MPPED2: variants seen among roughly 807,000 people sequenced by gnomAD.
MPPED2 encodes metallophosphoesterase domain containing 2.
Under a neutral mutation model 33.0 loss-of-function variants are expected in MPPED2, and 5 were observed. The ratio of observed to expected loss-of-function variants is 0.15; its 90% CI spans 0.08 to 0.32. MPPED2 has a LOEUF of 0.32. Among genes scored for constraint, MPPED2 ranks in the 10% least tolerant of loss-of-function variants. The pLI, the probability that MPPED2 is intolerant of heterozygous loss-of-function variation, is 1.00. For synonymous variants in MPPED2, 136 were observed against 141.9 expected (o/e 0.96, Z 0.29); for missense variants, 275 against 372.1 (o/e 0.74, Z 2.15).
chr11:30,483,658 A>G (rs1396797673), intron 4 of MPPED2, among the ~76,000 whole-genome samples: 3 of 152,216 alleles, frequency 2.0e-5, no homozygotes, highest in African/African-American at 7.2e-5. Flanking sequence ...AAGAGGCCTG[A>G]ATTATGGCTA....
chr11:30,501,468 T>C (rs1952557664), intron 3 of MPPED2: 1 of 185,740 alleles, frequency 5.4e-6, no homozygotes. Flanking sequence ...TCTGTTGAGA[T>C]AATCCTAACC....
chr11:30,445,213 G>A (rs568913702), intron 4 of MPPED2, among the ~76,000 whole-genome samples: 2 of 152,278 alleles, frequency 1.3e-5, no homozygotes, highest in South Asian at 4.1e-4. Flanking sequence ...GCTGAGGAAG[G>A]GCTCTGGGTA....
intron 2 of MPPED2, among the ~76,000 whole-genome samples, chr11:30,552,250 C>G (rs1354041731): frequency 6.6e-6 from 1 of 152,162 alleles, no homozygotes; most frequent in Non-Finnish European, 1.5e-5. Flanking sequence ...GAGCCATCTG[C>G]GAAGCCAGAA....
intron 2 of MPPED2, among the ~76,000 whole-genome samples, chr11:30,550,809 A>G (rs1955673143): frequency 6.6e-6 from 1 of 152,198 alleles, no homozygotes. Context: ...GGTAGCAGTA[A>G]TGCTGGGTTT....
At chr11:30,498,921 G>A (rs867314129) in intron 3 of MPPED2, among the ~76,000 whole-genome samples, 9 of 152,322 alleles carry the variant, frequency 5.9e-5, no homozygotes, top group Non-Finnish European at 8.8e-5. Flanking sequence ...GCTACAGAAT[G>A]TAAGTGAGAC....
chr11:30,473,481 T>C (rs1313014297), intron 4 of MPPED2, among the ~76,000 whole-genome samples: 1 of 152,150 alleles, frequency 6.6e-6, no homozygotes, highest in East Asian at 1.9e-4. Flanking sequence ...TAGCAAAGTA[T>C]TTCCTCTGTT....
intron 4 of MPPED2, among the ~76,000 whole-genome samples, chr11:30,459,101 A>G (rs1257271954): frequency 1.3e-5 from 2 of 150,376 alleles, no homozygotes; most frequent in Non-Finnish European, 1.5e-5. Flanking sequence ...AATTTTTTGT[A>G]TTTTTAGTAG....
chr11:30,499,752 A>T (rs1952468905), intron 3 of MPPED2, among the ~76,000 whole-genome samples: 1 of 152,110 alleles, frequency 6.6e-6, no homozygotes. Context: ...TCACTTCTAA[A>T]CTTCTTAAAA....
chr11:30,446,855 A>ATGT (rs1949833997), intron 4 of MPPED2, among the ~76,000 whole-genome samples: 1 of 152,182 alleles, frequency 6.6e-6, no homozygotes, highest in African/African-American at 2.4e-5. Flanking sequence ...TGTCCAAGTT[A>ATGT]CCGATTTCTC....
chr11:30,495,460 C>T lies in MPPED2; in HGVS notation c.372G>A (p.Lys124=), dbSNP rs1952208262. 1 of 1,614,136 alleles carries T rather than the reference C, an allele frequency of 6.2e-7. No homozygotes were observed. The highest frequency in any genetic ancestry group is 8.5e-7 in the Non-Finnish European group (1 of 1,179,990). The change falls in exon 4 of 7, where the codon AAG becomes AAA. Residue 124 remains lysine, a synonymous_variant. Transcript: ENST00000358117. Reference sequence around the variant, plus strand: ...GTTTAACAAGGTCTGCCATGAATTCCTTATCAAATGTCAGTTCATGATTCC... The same window carrying T: ...GTTTAACAAGGTCTGCCATGAATTCTTTATCAAATGTCAGTTCATGATTCC... ...IAGNHELTFD[K]EFMADLVKQD...
intron 2 of MPPED2, among the ~76,000 whole-genome samples, chr11:30,564,001 A>G (rs1464393754): frequency 6.6e-6 from 1 of 152,230 alleles, no homozygotes; most frequent in African/African-American, 2.4e-5. Context: ...TTCTGGGAAC[A>G]GGCCTTGAGA....
downstream of MPPED2, chr11:30,410,152 A>C (rs1410783343): frequency 3.0e-6 from 3 of 985,266 alleles, no homozygotes; most frequent in Admixed American, 1.2e-4. Flanking sequence ...CTGATGTTGC[A>C]TATGAATAAA....
intron 4 of MPPED2, among the ~76,000 whole-genome samples, chr11:30,451,188 C>T (rs888036819): frequency 1.8e-4 from 28 of 152,220 alleles, no homozygotes; most frequent in African/African-American, 6.8e-4. Context: ...ACTACATGAT[C>T]TATAAGCTGT....
intron 4 of MPPED2, among the ~76,000 whole-genome samples, chr11:30,467,080 G>T (rs1950740751): frequency 6.6e-6 from 1 of 152,112 alleles, no homozygotes; most frequent in Non-Finnish European, 1.5e-5. Flanking sequence ...AAGACCTCGT[G>T]CCCCTTTGCC....
intron 4 of MPPED2, among the ~76,000 whole-genome samples, chr11:30,481,607 T>C (rs933238939): frequency 6.6e-6 from 1 of 152,048 alleles, no homozygotes; most frequent in African/African-American, 2.4e-5. Flanking sequence ...GAGGGGAGCT[T>C]ACAGCACTAG....
intron 6 of MPPED2, among the ~76,000 whole-genome samples, chr11:30,393,643 A>G (rs542559469): frequency 6.6e-6 from 1 of 152,342 alleles, no homozygotes; most frequent in Non-Finnish European, 1.5e-5. Context: ...ATGTGAACAC[A>G]TAGGTAGTGC....
At chr11:30,449,711 G>A (rs934627526) in intron 4 of MPPED2, among the ~76,000 whole-genome samples, 1 of 152,142 alleles carries the variant, frequency 6.6e-6, no homozygotes, top group Non-Finnish European at 1.5e-5. Context: ...TAAAAACAGG[G>A]CATAAACTTC....
intron 2 of MPPED2, among the ~76,000 whole-genome samples, chr11:30,553,768 C>A (rs1955833370): frequency 6.6e-6 from 1 of 152,122 alleles, no homozygotes; most frequent in South Asian, 2.1e-4. Flanking sequence ...TCAAAGGGTT[C>A]TTTGAGTGTT....
At chr11:30,553,585 C>A (rs1398153159) in intron 2 of MPPED2, among the ~76,000 whole-genome samples, 1 of 152,192 alleles carries the variant, frequency 6.6e-6, no homozygotes, top group Non-Finnish European at 1.5e-5. Flanking sequence ...GGCACAGTAG[C>A]TGGAATTTTG....
Sources: gnomAD v4.1 joint callset for allele counts (sites outside exome capture counted in the v4.1 genomes callset) on GRCh38, gnomAD v4.1.1 for gene constraint, MANE v1.5 for transcripts, NCBI Gene and HGNC (gene_info 2026-07-23, HGNC 2026-07-21) for gene names.